Variants in USP43 observed in about 807,000 individuals in gnomAD.
USP43 encodes the protein ubiquitin specific peptidase 43.
In USP43, 33 loss-of-function variants were observed where a neutral mutation model predicts 90.7. That is an observed-to-expected ratio of 0.36 (90% CI 0.28 to 0.49). The LOEUF (loss-of-function observed/expected upper bound fraction) is 0.49. USP43 is among the 20% of genes least tolerant of loss of function. The pLI is 0.98. For synonymous variants in USP43, 598 were observed against 615.8 expected (o/e 0.97, Z 0.43); for missense variants, 1,274 against 1,476.4 (o/e 0.86, Z 2.25).
chr17:9,710,068 G>A lies in USP43; in HGVS notation c.2124G>A (p.Gln708=), dbSNP rs574784732. ...NTRGAYILFY[Q]KRNSIPPWSA... is the part of the protein sequence containing the mutation. ...GAGGGGCTTATATCCTGTTCTATCA[G>A]AAGCGGAACAGCATCCCTCCCTGGT... The change falls in exon 13 of 15, where the codon CAG becomes CAA. Residue 708 remains glutamine, a synonymous_variant. Transcript: ENST00000285199. 1.3e-6 allele frequency: 2 copies of A among 1,559,306 alleles called. No individual in the cohort carries two copies.
chr17:9,676,649 G>A, intron 4 of USP43, 97 bp from the exon 5 acceptor site: 1 of 1,447,250 alleles, frequency 6.9e-7, no homozygotes. Flanking sequence ...TAGGATTACA[G>A]GTGTGAGCCA....
At chr17:9,688,283 G>A (rs891998433) in intron 8 of USP43, among the ~76,000 whole-genome samples, 4 of 148,424 alleles carry the variant, frequency 2.7e-5, no homozygotes, top group African/African-American at 5.0e-5. Context: ...CACCGTGCCC[G>A]GCCAGATGAA....
intron 2 of USP43, among the ~76,000 whole-genome samples, chr17:9,666,275 G>A (rs772520312): frequency 1.3e-5 from 2 of 152,304 alleles, no homozygotes; most frequent in Non-Finnish European, 2.9e-5. Context: ...TGCGTTTGAG[G>A]TGATGGCAAG....
chr17:9,660,615 G>A (rs976306455), intron 2 of USP43, among the ~76,000 whole-genome samples: 11 of 151,998 alleles, frequency 7.2e-5, no homozygotes, highest in South Asian at 6.2e-4. Context: ...CCAATAGCAC[G>A]TAGAACAAAA....
At chr17:9,711,723 G>A (rs1352655069) in intron 13 of USP43, among the ~76,000 whole-genome samples, 1 of 152,150 alleles carries the variant, frequency 6.6e-6, no homozygotes, top group Non-Finnish European at 1.5e-5. Context: ...GAGCCACCGC[G>A]CCCAGCCCAT....
At chr17:9,678,679 C>T (rs1232362699) in intron 5 of USP43, among the ~76,000 whole-genome samples, 2 of 152,214 alleles carry the variant, frequency 1.3e-5, no homozygotes, top group Admixed American at 6.6e-5. Context: ...TTATTTATGT[C>T]ATCTTATGCT....
Position 9,650,626 on chromosome 17 carries a change from C to T in USP43, c.504+4490C>T, listed in dbSNP as rs1172954674. On this transcript the variant is annotated intron_variant, in intron 1 of 14. Transcript: ENST00000285199. ...CCATGTTGGCCATGCTGGTCTCAAA[C>T]GCCTGACCCCAAGTGATCCACCTGC... Among the ~76,000 whole-genome samples, 6 of 152,116 alleles carry T rather than the reference C, an allele frequency of 3.9e-5. No individual in the cohort carries two copies. The South Asian group carries it at 1.0e-3, about 26-fold the overall frequency.
At chr17:9,654,322 C>G (rs1273404156) in intron 1 of USP43, among the ~76,000 whole-genome samples, 1 of 152,008 alleles carries the variant, frequency 6.6e-6, no homozygotes, top group Admixed American at 6.6e-5. Flanking sequence ...AATCTGGTAG[C>G]CCTACTTGGG....
chr17:9,718,017 C>T (rs1196287458), intron 14 of USP43, among the ~76,000 whole-genome samples: 1 of 151,406 alleles, frequency 6.6e-6, no homozygotes, highest in African/African-American at 2.4e-5. Context: ...AGGATGGTCT[C>T]GATCTCTTCA....
intron 8 of USP43, among the ~76,000 whole-genome samples, chr17:9,690,242 T>A (rs1487503755): frequency 6.6e-6 from 1 of 152,208 alleles, no homozygotes; most frequent in Non-Finnish European, 1.5e-5. Context: ...CTTGTTTTCC[T>A]CTCATAATTC....
chr17:9,670,304 G>T (rs1258841810), intron 3 of USP43, among the ~76,000 whole-genome samples: 7 of 152,176 alleles, frequency 4.6e-5, no homozygotes, highest in Non-Finnish European at 5.9e-5. Context: ...CTCCCAAAGT[G>T]CTGGGATTAC....
At chr17:9,711,402 C>T (rs1312044549) in intron 13 of USP43, among the ~76,000 whole-genome samples, 1 of 152,172 alleles carries the variant, frequency 6.6e-6, no homozygotes, top group Non-Finnish European at 1.5e-5. Flanking sequence ...AACTTGTCAA[C>T]ATACTTTCCT....
chr17:9,651,113 G>T (rs902535953), intron 1 of USP43, among the ~76,000 whole-genome samples: 3 of 151,986 alleles, frequency 2.0e-5, no homozygotes, highest in Non-Finnish European at 4.4e-5. Flanking sequence ...GGAGCGAGGT[G>T]GACGATTTTT....
intron 14 of USP43, among the ~76,000 whole-genome samples, chr17:9,717,360 A>AGTGTGT (rs56058514): frequency 1.2e-3 from 169 of 145,662 alleles, no homozygotes; most frequent in African/African-American, 3.8e-3. Context: ...GCTTGGGCAC[A>AGTGTGT]GTGTGTGTGT....
chr17:9,725,220 G>A (rs1384168327), intron 14 of USP43, among the ~76,000 whole-genome samples: 1 of 151,976 alleles, frequency 6.6e-6, no homozygotes, highest in African/African-American at 2.4e-5. Flanking sequence ...TGAATGCTGT[G>A]GGGCTTTATA....
rs1386751500 is a variant in USP43, at chr17:9,709,640, CG to C, written c.2012-310del. On this transcript the variant is annotated intron_variant, in intron 12 of 14. Coordinates refer to ENST00000285199, the MANE Select transcript of USP43 (RefSeq NM_153210.5). The surrounding 1 kb of genome is among the most constrained non-coding windows in gnomAD (Gnocchi z 5.0). Reference sequence around the variant, plus strand: ...CTGAGGCAGGAGAATCACTGGAACCCGGGGGGTGGAGGTTGCCGTGAGCCGA... The same window carrying C: ...CTGAGGCAGGAGAATCACTGGAACCCGGGGGTGGAGGTTGCCGTGAGCCGA... Among the ~76,000 whole-genome samples the C allele has an allele frequency of 1.3e-5, 2 of 151,964 alleles. No individual in the cohort carries two copies. Among genetic ancestry groups the C allele is most frequent in the African/African-American group, 2.4e-5 (1 of 41,366 alleles).
intron 9 of USP43, among the ~76,000 whole-genome samples, chr17:9,699,698 T>C (rs1040446766): frequency 2.0e-5 from 3 of 152,082 alleles, no homozygotes; most frequent in Non-Finnish European, 4.4e-5. Flanking sequence ...GGCACTGGGA[T>C]TTTCTATGCA....
chr17:9,711,925 G>A (rs60865022), intron 13 of USP43, 43 bp from the exon 14 acceptor site: 1 of 1,538,228 alleles, frequency 6.5e-7, no homozygotes, highest in Non-Finnish European at 8.8e-7. Flanking sequence ...ACTCTGAAGT[G>A]CTGGGGTTGG....
intron 12 of USP43, among the ~76,000 whole-genome samples, chr17:9,707,408 A>G (rs1226463364): frequency 6.6e-6 from 1 of 152,106 alleles, no homozygotes. Flanking sequence ...GCACTTTGGG[A>G]GGCCGAGGTG....
Sources: gnomAD v4.1 joint callset for allele counts (sites outside exome capture counted in the v4.1 genomes callset) on GRCh38, gnomAD v4.1.1 for gene constraint, Gnocchi (gnomAD v3.1) non-coding constraint, MANE v1.5 for transcripts, NCBI Gene and HGNC (gene_info 2026-07-23, HGNC 2026-07-21) for gene names.